UTRN: variants seen among roughly 807,000 people sequenced by gnomAD.
UTRN encodes dystrophin-related protein 1.
A neutral mutation model predicts 463.9 loss-of-function variants in UTRN; 283 were observed. The observed-to-expected ratio is 0.61, with a 90% CI of 0.55 to 0.67. UTRN has a LOEUF of 0.67. Ranked by LOEUF, UTRN falls within the 30% of genes least tolerant of loss-of-function variation. UTRN has a pLI of 0.00. For synonymous variants in UTRN, 1,442 were observed against 1,431.5 expected (o/e 1.01, Z -0.17); for missense variants, 3,922 against 4,084.3 (o/e 0.96, Z 1.08).
intron 2 of UTRN, among the ~76,000 whole-genome samples, chr6:144,377,252 G>A (rs1044518636): frequency 6.6e-6 from 1 of 151,982 alleles, no homozygotes; most frequent in Non-Finnish European, 1.5e-5. Context: ...GGCCAGGCTG[G>A]TCTTGACCTC....
chr6:144,521,295 C>G (rs1017190822), intron 39 of UTRN, among the ~76,000 whole-genome samples: 2 of 151,490 alleles, frequency 1.3e-5, no homozygotes, highest in Non-Finnish European at 2.9e-5. Context: ...TGCACCCCCC[C>G]AAAAAAATAA....
intron 2 of UTRN, among the ~76,000 whole-genome samples, chr6:144,364,745 A>G (rs1202102860): frequency 6.6e-6 from 1 of 152,172 alleles, no homozygotes; most frequent in Admixed American, 6.5e-5. Flanking sequence ...TGACAGGGCC[A>G]TGTTCCTTCT....
At chr6:144,520,238 A>G (rs1281543284) in intron 39 of UTRN, among the ~76,000 whole-genome samples, 3 of 152,212 alleles carry the variant, frequency 2.0e-5, no homozygotes, top group African/African-American at 7.2e-5. Flanking sequence ...AGGGAGAACA[A>G]TTGAGCCTAG....
chr6:144,450,115 T>G (rs1483738263), intron 17 of UTRN, among the ~76,000 whole-genome samples: 1 of 152,202 alleles, frequency 6.6e-6, no homozygotes, highest in African/African-American at 2.4e-5. Context: ...GTTACTATCT[T>G]AGTTGTGACT....
chr6:144,438,607 A>G (rs1786817311), intron 11 of UTRN, 138 bp from the exon 12 acceptor site: 2 of 1,085,026 alleles, frequency 1.8e-6, no homozygotes, highest in South Asian at 3.6e-5. Flanking sequence ...TGGCTTCTAT[A>G]TTTAAAGACT....
intron 2 of UTRN, chr6:144,311,783 T>C (rs998682628): frequency 6.6e-6 from 1 of 152,244 alleles, no homozygotes; most frequent in Non-Finnish European, 1.5e-5. Flanking sequence ...TAACCTGCAA[T>C]ATTGCTGTTG....
chr6:144,396,055 C>A (rs553383895), intron 2 of UTRN, among the ~76,000 whole-genome samples: 1 of 152,160 alleles, frequency 6.6e-6, no homozygotes, highest in Non-Finnish European at 1.5e-5. Context: ...GAACTGAAAT[C>A]GGGAACTCAG....
chr6:144,383,283 A>G (rs1176023044), intron 2 of UTRN, among the ~76,000 whole-genome samples: 1 of 152,110 alleles, frequency 6.6e-6, no homozygotes, highest in Non-Finnish European at 1.5e-5. Flanking sequence ...TCCAACTCCA[A>G]CTTGTAGACC....
At chr6:144,446,115 T>G (rs1490963428) in intron 14 of UTRN, among the ~76,000 whole-genome samples, 1 of 152,206 alleles carries the variant, frequency 6.6e-6, no homozygotes, top group East Asian at 1.9e-4. Context: ...TTCTATCCAG[T>G]AAAGTAATTG....
At chr6:144,673,879 CTT>C (rs1247174747) in intron 51 of UTRN, among the ~76,000 whole-genome samples, 8 of 152,056 alleles carry the variant, frequency 5.3e-5, no homozygotes, top group African/African-American at 1.4e-4. Flanking sequence ...CTGAAAAAGA[CTT>C]TATCTCGGCT....
chr6:144,653,007 A>G (rs547544000), intron 51 of UTRN, among the ~76,000 whole-genome samples: 47 of 152,220 alleles, frequency 3.1e-4, no homozygotes, highest in East Asian at 9.8e-4. Flanking sequence ...GGTATTTTCT[A>G]TCTAATGATT....
intron 53 of UTRN, among the ~76,000 whole-genome samples, chr6:144,720,595 C>T (rs148974334): frequency 5.9e-5 from 9 of 152,304 alleles, no homozygotes; most frequent in South Asian, 2.1e-4. Flanking sequence ...TGCCATTTCA[C>T]GGCTTCATTT....
At chr6:144,623,555 C>T (rs1216276871) in intron 51 of UTRN, among the ~76,000 whole-genome samples, 1 of 152,172 alleles carries the variant, frequency 6.6e-6, no homozygotes, top group Non-Finnish European at 1.5e-5. Context: ...TTCATTATGG[C>T]ACACAGAATT....
At chr6:144,551,159 A>C (rs1798876646) in intron 48 of UTRN, 77 bp downstream of exon 48, 8 of 841,010 alleles carry the variant, frequency 9.5e-6, no homozygotes, top group Non-Finnish European at 1.4e-5. Context: ...ACACACACAC[A>C]CACACACACA....
At chr6:144,756,703 A>C (rs1397450881) in intron 57 of UTRN, among the ~76,000 whole-genome samples, 1 of 152,116 alleles carries the variant, frequency 6.6e-6, no homozygotes, top group African/African-American at 2.4e-5. Flanking sequence ...CCTCATTTTC[A>C]TCCCTGTTTA....
chr6:144,426,824 G>T (rs1430084990), intron 7 of UTRN, among the ~76,000 whole-genome samples: 2 of 152,126 alleles, frequency 1.3e-5, no homozygotes, highest in Non-Finnish European at 2.9e-5. Flanking sequence ...TAAATTCAAT[G>T]CATTCCCAAT....
chr6:144,436,231 T>A, intron 10 of UTRN, 93 bp downstream of exon 10: 1 of 1,306,614 alleles, frequency 7.7e-7, no homozygotes, highest in Non-Finnish European at 1.1e-6. Context: ...TCTACTGAAT[T>A]CTGTTCTTTG....
chr6:144,432,315 G>A (rs760850560), intron 9 of UTRN, among the ~76,000 whole-genome samples: 2 of 152,134 alleles, frequency 1.3e-5, no homozygotes, highest in African/African-American at 4.8e-5. Flanking sequence ...CCTTTTCAGA[G>A]AAGTCTTTTC....
chr6:144,443,034 T>C (rs1005426378), intron 13 of UTRN, among the ~76,000 whole-genome samples: 5 of 152,220 alleles, frequency 3.3e-5, no homozygotes, highest in Admixed American at 6.5e-5. Context: ...TAGATTAATA[T>C]GTGAATTTCA....
Sources: allele counts gnomAD v4.1 joint callset (sites outside exome capture counted in the v4.1 genomes callset), GRCh38; gene constraint gnomAD v4.1.1; transcripts MANE v1.5; gene names NCBI Gene and HGNC (gene_info 2026-07-23, HGNC 2026-07-21).